ZMYM2: variants seen among roughly 807,000 people sequenced by gnomAD.
The protein encoded by ZMYM2 is zinc finger MYM-type containing 2, also known as zinc finger MYM-type protein 2.
A neutral mutation model predicts 162.8 loss-of-function variants in ZMYM2; 56 were observed. That is an observed-to-expected ratio of 0.34 (90% CI 0.28 to 0.43). ZMYM2 has a LOEUF of 0.43. Among genes scored for constraint, ZMYM2 ranks in the 20% least tolerant of loss-of-function variants. The pLI is 1.00. For synonymous variants in ZMYM2, 510 were observed against 541.6 expected, an observed-to-expected ratio of 0.94 and a Z score of 0.81; for missense variants, 1,275 against 1,621.8, an observed-to-expected ratio of 0.79 and a Z score of 3.67.
At chr13:19,916,430 T>C in the ZMYM2 span, among the ~76,000 whole-genome samples, 4 of 152,144 alleles carry the variant, frequency 2.6e-5, no homozygotes, top group East Asian at 5.8e-4. Context: ...TATTGCGGCA[T>C]TATTCACAAT....
intron 9 of ZMYM2, 80 bp downstream of exon 9, chr13:20,027,398 T>TC (rs1952682698): frequency 5.5e-6 from 6 of 1,097,480 alleles, no homozygotes; most frequent in Non-Finnish European, 5.0e-6. Flanking sequence ...ATATGCTTTA[T>TC]TTTATCTTAA....
At chr13:20,026,889 CTG>C in intron 8 of ZMYM2, 127 bp downstream of exon 8, 1 of 1,064,378 alleles carries the variant, frequency 9.4e-7, no homozygotes, top group Non-Finnish European at 1.3e-6. Context: ...TTTTTGAAAA[CTG>C]TTCTAATTAT....
At position 20,075,670 on chromosome 13, in the gene ZMYM2, C is replaced by CTTTTTTTTTTTTTTTTTT. The variant is rs56664916; in HGVS notation, c.3454-6331_3454-6314dup. ...TTATTATGAATAGAACTATAGACAC[C>CTTTTTTTTTTTTTTTTTT]TTTTTTTTTTTTTTTTTTTTTTTTT... On this transcript the variant is annotated intron_variant, in intron 21 of 24. Coordinates refer to ENST00000610343, the MANE Select transcript of ZMYM2 (RefSeq NM_197968.4). Among the ~76,000 whole-genome samples, 21 of 75,718 alleles carry CTTTTTTTTTTTTTTTTTT rather than the reference C, an allele frequency of 2.8e-4. 1 individual carries two copies. Among genetic ancestry groups the CTTTTTTTTTTTTTTTTTT allele is most frequent in the African/African-American group, 4.3e-4 (8 of 18,452 alleles). The allele number at this position is 75,718 out of a possible 152,430, so 49.7% of individuals were successfully genotyped here. A position where few individuals can be genotyped will look rare whatever the true frequency, so the allele number is the denominator to read the frequency against.
At chr13:19,901,038 A>C in the ZMYM2 span, among the ~76,000 whole-genome samples, 2 of 152,140 alleles carry the variant, frequency 1.3e-5, no homozygotes, top group Admixed American at 1.3e-4. Context: ...AAATGTCTTC[A>C]TGTAGCCTTT....
intron 9 of ZMYM2, among the ~76,000 whole-genome samples, chr13:20,027,568 A>G (rs1177765176): frequency 6.6e-6 from 1 of 152,140 alleles, no homozygotes; most frequent in Non-Finnish European, 1.5e-5. Context: ...AATATAGTTC[A>G]GTGCTGATGT....
chr13:19,977,673 G>T lies in ZMYM2; in HGVS notation c.-10-15390G>T, dbSNP rs568088003. Reference sequence around the variant, plus strand: ...CCTGGCTAATTTTTTTGTATTCTTAGTAGAGACGGGGTTTCACTGTGTTAG... The same window carrying T: ...CCTGGCTAATTTTTTTGTATTCTTATTAGAGACGGGGTTTCACTGTGTTAG... On this transcript the variant is annotated intron_variant, in intron 2 of 24. Coordinates refer to ENST00000610343, the MANE Select transcript of ZMYM2 (RefSeq NM_197968.4). 3.3e-5 allele frequency among the ~76,000 whole-genome samples: 5 copies of T among 149,994 alleles called. 1 individual carries two copies. The highest frequency in any genetic ancestry group is 2.7e-4 in the Admixed American group (4 of 15,020).
chr13:19,919,377 T>G, the ZMYM2 span, among the ~76,000 whole-genome samples: 1 of 152,186 alleles, frequency 6.6e-6, no homozygotes, highest in African/African-American at 2.4e-5. Flanking sequence ...GTGCCATTGT[T>G]AAGTTGTATG....
At chr13:19,947,223 G>C in the ZMYM2 span, among the ~76,000 whole-genome samples, 1 of 151,844 alleles carries the variant, frequency 6.6e-6, no homozygotes, top group African/African-American at 2.4e-5. Context: ...ACCACGCCCG[G>C]CTAATTTTTT....
At chr13:20,079,307 ACT>A (rs1197725666) in intron 21 of ZMYM2, among the ~76,000 whole-genome samples, 14 of 108,524 alleles carry the variant, frequency 1.3e-4, no homozygotes, top group East Asian at 2.9e-4. Flanking sequence ...ACAGAGTAAG[ACT>A]CTGTCTCAAA....
chr13:20,057,982 A>G (rs902469975), intron 14 of ZMYM2, among the ~76,000 whole-genome samples: 2 of 152,164 alleles, frequency 1.3e-5, no homozygotes, highest in South Asian at 2.1e-4. Flanking sequence ...CTTGTTTGCA[A>G]TGCAAATAAT....
At chr13:20,022,768 A>G (rs1185434724) in intron 7 of ZMYM2, among the ~76,000 whole-genome samples, 1 of 152,166 alleles carries the variant, frequency 6.6e-6, no homozygotes, top group Non-Finnish European at 1.5e-5. Context: ...ATTTAGTATA[A>G]TAAATATTAC....
chr13:19,873,214 G>A, the ZMYM2 span, among the ~76,000 whole-genome samples: 3 of 151,812 alleles, frequency 2.0e-5, no homozygotes, highest in Non-Finnish European at 2.9e-5. Context: ...TTCCATTGTG[G>A]ACGATCCTCC....
intron 12 of ZMYM2, among the ~76,000 whole-genome samples, chr13:20,038,334 C>T (rs1040389734): frequency 1.3e-5 from 2 of 152,036 alleles, no homozygotes; most frequent in Non-Finnish European, 2.9e-5. Context: ...TTGCTTTTGG[C>T]ATCTTAATCT....
chr13:19,952,656 C>T, the ZMYM2 span, among the ~76,000 whole-genome samples: 6 of 152,014 alleles, frequency 3.9e-5, no homozygotes, highest in African/African-American at 1.5e-4. Flanking sequence ...AATAATAAAG[C>T]CACAGGAACT....
At chr13:20,055,146 G>C (rs1288940202) in intron 14 of ZMYM2, among the ~76,000 whole-genome samples, 2 of 152,128 alleles carry the variant, frequency 1.3e-5, no homozygotes, top group Admixed American at 1.3e-4. Context: ...AGGAGTAGGG[G>C]TAGGGGCATT....
chr13:19,977,753 G>A (rs1347746212), intron 2 of ZMYM2, among the ~76,000 whole-genome samples: 1 of 151,688 alleles, frequency 6.6e-6, no homozygotes, highest in African/African-American at 2.4e-5. Context: ...GCCTCCCAAA[G>A]TGCTGGGATT....
In ZMYM2 at chr13:20,082,737, T is replaced by C. The variant is rs1555333390; in HGVS notation, c.3569-44T>C. ...TGCTTCTAGATGGTTAAATGAAAAC[T>C]TTTATTTATTATAATTCTTTTAAAA... On this transcript the variant is annotated intron_variant, in intron 22 of 24. Coordinates refer to ENST00000610343, the MANE Select transcript of ZMYM2 (RefSeq NM_197968.4). The C allele has an allele frequency of 5.6e-6, 8 of 1,438,854 alleles. No individual in the cohort carries two copies. In the South Asian group the frequency reaches 1.0e-4, roughly 19 times the overall value. 89.1% of individuals were successfully genotyped at this position (1,438,854 alleles called of 1,614,324 possible).
the ZMYM2 span, among the ~76,000 whole-genome samples, chr13:19,923,358 A>C: frequency 2.0e-4 from 1 of 5,122 alleles, no homozygotes; most frequent in Non-Finnish European, 7.3e-4. Flanking sequence ...CTCCGTCGCA[A>C]AAAAAAAAAA....
In ZMYM2 at chr13:19,995,804, C is replaced by T. The variant is rs182805742; in HGVS notation, c.847+1885C>T. ...AAGAACTCTGTGCCAGCCTGGACAA[C>T]GTGGTGAAAAAATACAAAATACTGA... On this transcript the variant is annotated intron_variant, in intron 3 of 24. Transcript: ENST00000610343. 1.8e-4 allele frequency among the ~76,000 whole-genome samples: 27 copies of T among 152,186 alleles called. No individual in the cohort carries two copies. In the South Asian group the frequency reaches 3.3e-3, roughly 19 times the overall value.
Sources: gnomAD v4.1 joint callset for allele counts (sites outside exome capture counted in the v4.1 genomes callset) on GRCh38, gnomAD v4.1.1 for gene constraint, MANE v1.5 for transcripts, NCBI Gene and HGNC (gene_info 2026-07-23, HGNC 2026-07-21) for gene names.